Variants in LIN54 observed in about 807,000 individuals in gnomAD.
LIN54 encodes the protein protein lin-54 homolog.
A neutral mutation model predicts 78.7 loss-of-function variants in LIN54; 9 were observed. That is an observed-to-expected ratio of 0.11 (90% CI 0.07 to 0.20). LIN54 has a LOEUF of 0.20. LIN54 is among the 10% of genes least tolerant of loss of function. LIN54 has a pLI of 1.00. For synonymous variants in LIN54, 269 were observed against 318.4 expected (o/e 0.84, Z 1.65); for missense variants, 573 against 889.9 (o/e 0.64, Z 4.53).
intron 4 of LIN54, among the ~76,000 whole-genome samples, chr4:82,949,554 G>T (rs952863664): frequency 6.6e-6 from 1 of 151,208 alleles, no homozygotes; most frequent in Non-Finnish European, 1.5e-5. Flanking sequence ...ACGCCACCAT[G>T]CCCAGCTAAT....
Position 83,010,820 on chromosome 4 carries a change from C to T in LIN54, c.-369G>A. On this transcript the variant is annotated 5_prime_UTR_variant, in exon 1 of 13. Coordinates refer to ENST00000340417, the MANE Select transcript of LIN54 (RefSeq NM_194282.4). ...GGGCCGCCGCCGCCGCCGCCACCACCAGTAACCTCCCCCTTCCTCCTCCTC... is the reference window on the plus strand; with the variant it reads ...GGGCCGCCGCCGCCGCCGCCACCACTAGTAACCTCCCCCTTCCTCCTCCTC... The T allele has an allele frequency of 8.1e-7, 1 of 1,234,068 alleles. No homozygotes were observed. The highest frequency in any genetic ancestry group is 1.0e-6 in the Non-Finnish European group (1 of 990,118). 76.4% of individuals were successfully genotyped at this position (1,234,068 alleles called of 1,614,324 possible).
At chr4:82,990,553 G>A (rs1025369515) in intron 1 of LIN54, among the ~76,000 whole-genome samples, 1 of 151,752 alleles carries the variant, frequency 6.6e-6, no homozygotes, top group Non-Finnish European at 1.5e-5. Context: ...GCGCGATCTC[G>A]GCTCATTGCA....
intron 3 of LIN54, 43 bp from the exon 4 acceptor site, chr4:82,970,512 A>G: frequency 1.3e-6 from 2 of 1,564,816 alleles, no homozygotes; most frequent in Non-Finnish European, 1.7e-6. Flanking sequence ...TTTTTCAATA[A>G]TAGTATAAAA....
chr4:82,996,085 C>T (rs1048935754), intron 1 of LIN54, among the ~76,000 whole-genome samples: 5 of 151,716 alleles, frequency 3.3e-5, no homozygotes, highest in Non-Finnish European at 7.4e-5. Flanking sequence ...GCGGAGGTTG[C>T]GGTGAGCCGA....
chr4:82,959,274 A>G (rs79149884), intron 4 of LIN54, among the ~76,000 whole-genome samples: 1,826 of 152,274 alleles, frequency 0.012, 35 homozygotes, highest in African/African-American at 0.041. Flanking sequence ...GAGGAGGGAT[A>G]CTAGAGGCCA....
Position 82,942,876 on chromosome 4 carries a change from A to G in LIN54, c.1169-2914T>C, listed in dbSNP as rs530080754. Among the ~76,000 whole-genome samples the G allele has an allele frequency of 8.4e-4, 128 of 151,822 alleles. No homozygotes were observed. In the East Asian group the frequency reaches 0.019, roughly 22 times the overall value. The stretch of plus-strand genomic sequence containing the variant: ...TGTGCGCGCGCACACACACACACAC[A>G]CACACACACACACACACCCTCCCTC... On this transcript the variant is annotated intron_variant, in intron 5 of 12. Coordinates refer to ENST00000340417, the MANE Select transcript of LIN54 (RefSeq NM_194282.4).
intron 4 of LIN54, among the ~76,000 whole-genome samples, chr4:82,956,250 C>A (rs148724419): frequency 1.6e-3 from 239 of 152,102 alleles, no homozygotes; most frequent in African/African-American, 5.5e-3. Flanking sequence ...CATGCCCGAC[C>A]TATATTTTAA....
chr4:82,934,163 G>C lies in LIN54; in HGVS notation c.1845+1818C>G, dbSNP rs1303577202. ...CTCATGCCTGTAATCCCAACATTTT[G>C]GGAGGCTGATGGGTGGGCGGATCAC... On this transcript the variant is annotated intron_variant, in intron 11 of 12. Coordinates refer to ENST00000340417, the MANE Select transcript of LIN54 (RefSeq NM_194282.4). Among the ~76,000 whole-genome samples the C allele has an allele frequency of 2.0e-5, 3 of 152,272 alleles. No homozygotes were observed. The East Asian group carries it at 5.8e-4, about 29-fold the overall frequency.
At chr4:82,987,945 G>C (rs1727320280) in intron 1 of LIN54, among the ~76,000 whole-genome samples, 1 of 152,212 alleles carries the variant, frequency 6.6e-6, no homozygotes, top group Admixed American at 6.5e-5. Flanking sequence ...ATATCCTTGA[G>C]GAATCACCAT....
chr4:82,950,129 T>C (rs1723741481), intron 4 of LIN54, among the ~76,000 whole-genome samples: 2 of 152,328 alleles, frequency 1.3e-5, no homozygotes, highest in African/African-American at 4.8e-5. Context: ...TGAGCCACAG[T>C]GCCCAGCCAG....
intron 2 of LIN54, among the ~76,000 whole-genome samples, chr4:82,983,304 C>T (rs1012840938): frequency 2.0e-4 from 30 of 152,174 alleles, no homozygotes; most frequent in African/African-American, 6.3e-4. Flanking sequence ...TAAGCCACCA[C>T]GCCCCGCCGA....
chr4:82,961,072 A>T (rs10461160), intron 4 of LIN54, among the ~76,000 whole-genome samples: 10 of 152,302 alleles, frequency 6.6e-5, no homozygotes, highest in Middle Eastern at 3.4e-3. Flanking sequence ...ATAAATTTTT[A>T]AAAAATTTTT....
At chr4:82,932,100 T>C (rs928102552) in intron 11 of LIN54, among the ~76,000 whole-genome samples, 3 of 147,604 alleles carry the variant, frequency 2.0e-5, no homozygotes, top group Non-Finnish European at 3.0e-5. Context: ...TAATTTTTTT[T>C]TTTTTTTTTT....
chr4:83,006,108 A>G (rs1397132765), intron 1 of LIN54, among the ~76,000 whole-genome samples: 2 of 123,200 alleles, frequency 1.6e-5, no homozygotes, highest in Admixed American at 1.9e-4. Flanking sequence ...AAAGATGGCA[A>G]CAATGGAAAC....
intron 1 of LIN54, among the ~76,000 whole-genome samples, chr4:83,002,177 C>G (rs1417255945): frequency 6.6e-6 from 1 of 151,152 alleles, no homozygotes; most frequent in African/African-American, 2.4e-5. Context: ...TGACATGGAC[C>G]CTTCTACGAT....
chr4:82,941,850 G>A (rs1722925933), intron 5 of LIN54, among the ~76,000 whole-genome samples: 1 of 152,170 alleles, frequency 6.6e-6, no homozygotes, highest in Non-Finnish European at 1.5e-5. Context: ...TATTTTAAAG[G>A]GAGGATGAAA....
At chr4:82,977,161 C>G (rs1726231412) in intron 3 of LIN54, among the ~76,000 whole-genome samples, 1 of 152,138 alleles carries the variant, frequency 6.6e-6, no homozygotes, top group Admixed American at 6.5e-5. Context: ...TTAACTAAAA[C>G]TTTTCAGGGA....
intron 3 of LIN54, among the ~76,000 whole-genome samples, chr4:82,973,251 G>A (rs1725836194): frequency 6.6e-6 from 1 of 152,144 alleles, no homozygotes; most frequent in African/African-American, 2.4e-5. Flanking sequence ...GATAAATTAT[G>A]TCGATAATGA....
At chr4:82,989,395 G>C (rs1306240701) in intron 1 of LIN54, among the ~76,000 whole-genome samples, 2 of 152,104 alleles carry the variant, frequency 1.3e-5, no homozygotes, top group East Asian at 3.8e-4. Context: ...GAATGTAAAA[G>C]TATCAACATC....
Sources: allele counts gnomAD v4.1 joint callset (sites outside exome capture counted in the v4.1 genomes callset), GRCh38; gene constraint gnomAD v4.1.1; transcripts MANE v1.5; gene names NCBI Gene and HGNC (gene_info 2026-07-23, HGNC 2026-07-21).